The following SMAD3 variants were observed in gnomAD, a reference collection of about 807,000 sequenced individuals.
The protein encoded by SMAD3 is MAD homolog 3.
In SMAD3, 12 loss-of-function variants were observed where a neutral mutation model predicts 51.8. The ratio of observed to expected loss-of-function variants is 0.23; its 90% CI spans 0.15 to 0.38. SMAD3 has a LOEUF of 0.38. SMAD3 is among the 10% of genes least tolerant of loss of function. The pLI, the probability that SMAD3 is intolerant of heterozygous loss-of-function variation, is 1.00. For missense variants in SMAD3, 294 were observed against 565.6 expected (o/e 0.52, Z 4.87); for synonymous variants, 238 against 227.7 (o/e 1.05, Z -0.41).
At position 67,190,689 on chromosome 15, in the gene SMAD3, C is replaced by T; in HGVS notation, c.*153C>T. On this transcript the variant is annotated 3_prime_UTR_variant, in exon 9 of 9. Coordinates refer to ENST00000327367, the MANE Select transcript of SMAD3 (RefSeq NM_005902.4). ...GTGCACCCACCTGTTTTCTGAAACACACGAGCAAACCCAGAGGTGGATGTT... is the reference window on the plus strand; with the variant it reads ...GTGCACCCACCTGTTTTCTGAAACATACGAGCAAACCCAGAGGTGGATGTT... The T allele has an allele frequency of 1.3e-6, 1 of 744,074 alleles. No individual in the cohort carries two copies. The allele number at this position is 744,074 out of a possible 1,614,324, so 46.1% of individuals were successfully genotyped here. A position where few individuals can be genotyped will look rare whatever the true frequency, so the allele number is the denominator to read the frequency against.
intron 1 of SMAD3, among the ~76,000 whole-genome samples, chr15:67,089,520 G>T (rs1019761631): frequency 6.6e-6 from 1 of 152,182 alleles, no homozygotes; most frequent in Non-Finnish European, 1.5e-5. Context: ...TACAGTTAGC[G>T]CAGGAACAGG....
At chr15:67,093,871 A>C (rs761609726) in intron 1 of SMAD3, among the ~76,000 whole-genome samples, 3 of 152,224 alleles carry the variant, frequency 2.0e-5, no homozygotes, top group Non-Finnish European at 2.9e-5. Context: ...CCCCACCTGC[A>C]GAGTTCTGTG....
chr15:67,166,724 C>T, intron 3 of SMAD3, 55 bp from the exon 4 acceptor site: 3 of 1,249,178 alleles, frequency 2.4e-6, no homozygotes, highest in South Asian at 1.3e-5. Flanking sequence ...CAAAAGGTGT[C>T]TCAGAGCCAA....
chr15:67,113,769 C>T (rs1961075938), intron 1 of SMAD3, among the ~76,000 whole-genome samples: 1 of 152,220 alleles, frequency 6.6e-6, no homozygotes, highest in Non-Finnish European at 1.5e-5. Context: ...GGAACCTGAG[C>T]TTCTCACGCA....
intron 1 of SMAD3, among the ~76,000 whole-genome samples, chr15:67,139,248 A>G (rs773320347): frequency 5.9e-4 from 90 of 152,272 alleles, no homozygotes; most frequent in Admixed American, 3.5e-3. Context: ...CTTTGCTCAC[A>G]TTAGGGGAAA....
At chr15:67,113,095 T>TATATATATATATATATATATATATATATA (rs57818600) in intron 1 of SMAD3, among the ~76,000 whole-genome samples, 1 of 91,128 alleles carries the variant, frequency 1.1e-5, no homozygotes, top group South Asian at 4.2e-4. Flanking sequence ...TATATATATA[T>TATATATATATATATATATATATATATATA]TTTTTTGAGA....
intron 7 of SMAD3, chr15:67,187,114 T>C: frequency 1.2e-5 from 8 of 654,860 alleles, no homozygotes; most frequent in Non-Finnish European, 1.7e-5. Flanking sequence ...GGGCCAGCCT[T>C]CCATCTCCCC....
At chr15:67,178,561 G>A (rs1962967594) in intron 5 of SMAD3, among the ~76,000 whole-genome samples, 1 of 152,200 alleles carries the variant, frequency 6.6e-6, no homozygotes, top group Non-Finnish European at 1.5e-5. Flanking sequence ...TACAGAAGGA[G>A]GTCATGTCCC....
At chr15:67,112,928 C>G (rs1295687514) in intron 1 of SMAD3, among the ~76,000 whole-genome samples, 1 of 130,192 alleles carries the variant, frequency 7.7e-6, no homozygotes, top group Non-Finnish European at 1.6e-5. Flanking sequence ...TCTTGGCACC[C>G]TTGTAGAAAA....
chr15:67,142,794 G>GA (rs1239260933), intron 1 of SMAD3: 2 of 445,142 alleles, frequency 4.5e-6, no homozygotes, highest in African/African-American at 4.0e-5. Context: ...TTGTGAAATA[G>GA]GCTTGTGATG....
chr15:67,112,673 C>T lies in SMAD3; in HGVS notation c.206+46313C>T, dbSNP rs1159295545. Among the ~76,000 whole-genome samples the T allele has an allele frequency of 3.7e-5, 5 of 133,508 alleles. 2 individuals carry two copies. Among genetic ancestry groups the T allele is most frequent in the African/African-American group, 1.5e-4 (5 of 33,702 alleles). The allele number at this position is 133,508 out of a possible 152,430, so 87.6% of individuals were successfully genotyped here. On this transcript the variant is annotated intron_variant, in intron 1 of 8. Coordinates refer to ENST00000327367, the MANE Select transcript of SMAD3 (RefSeq NM_005902.4). ...GATGAAGCTAAATTTGTTTTACTTT[C>T]GTCACTTTTGCTTTTTGTGTTGTAT...
At chr15:67,104,234 G>A (rs1303475737) in intron 1 of SMAD3, among the ~76,000 whole-genome samples, 3 of 152,080 alleles carry the variant, frequency 2.0e-5, no homozygotes, top group Non-Finnish European at 4.4e-5. Context: ...CTCGCACAAT[G>A]CTTGGTATTA....
intron 1 of SMAD3, among the ~76,000 whole-genome samples, chr15:67,106,574 G>T (rs1252378437): frequency 3.3e-5 from 5 of 152,126 alleles, no homozygotes; most frequent in Admixed American, 6.5e-5. Flanking sequence ...TGCACTGTCT[G>T]TCTTCCTCTT....
At chr15:67,162,746 C>T in intron 1 of SMAD3, among the ~76,000 whole-genome samples, 1 of 151,890 alleles carries the variant, frequency 6.6e-6, no homozygotes, top group Non-Finnish European at 1.5e-5. Flanking sequence ...GTGCCTTTCC[C>T]TCTGCTTGTA....
intron 8 of SMAD3, among the ~76,000 whole-genome samples, chr15:67,187,734 A>C (rs1315538122): frequency 2.0e-5 from 3 of 152,256 alleles, no homozygotes; most frequent in Non-Finnish European, 2.9e-5. Flanking sequence ...AGCTGTAGGC[A>C]CTGTAAACAC....
chr15:67,085,739 TC>T (rs1362982813), intron 1 of SMAD3, among the ~76,000 whole-genome samples: 2 of 152,184 alleles, frequency 1.3e-5, no homozygotes, highest in Admixed American at 6.5e-5. Context: ...TTTTTAACTT[TC>T]CTAGGTGATT....
At chr15:67,141,568 CAGCCAGGGACCCTTGTCT>C (rs1346544044) in intron 1 of SMAD3, among the ~76,000 whole-genome samples, 1 of 152,156 alleles carries the variant, frequency 6.6e-6, no homozygotes, top group African/African-American at 2.4e-5. Flanking sequence ...AGAGAGAGTC[CAGCCAGGGACCCTTGTCT>C]GGCAGTCCCT....
chr15:67,146,630 CTG>C (rs1332455149), intron 1 of SMAD3, among the ~76,000 whole-genome samples: 2 of 152,116 alleles, frequency 1.3e-5, no homozygotes, highest in Non-Finnish European at 2.9e-5. Flanking sequence ...GACATTGTCT[CTG>C]TGTTTTATAT....
intron 1 of SMAD3, among the ~76,000 whole-genome samples, chr15:67,103,345 G>A (rs1451566291): frequency 1.3e-5 from 2 of 152,216 alleles, no homozygotes; most frequent in Non-Finnish European, 1.5e-5. Context: ...TCGACAAGGG[G>A]ATAGCAGGAC....
Sources: allele counts gnomAD v4.1 joint callset (sites outside exome capture counted in the v4.1 genomes callset), GRCh38; gene constraint gnomAD v4.1.1; transcripts MANE v1.5; gene names NCBI Gene and HGNC (gene_info 2026-07-23, HGNC 2026-07-21).